The following VWA8 variants were observed in gnomAD, a reference collection of about 807,000 sequenced individuals.
VWA8 encodes the protein von Willebrand factor A domain containing 8.
A neutral mutation model predicts 241.5 loss-of-function variants in VWA8; 221 were observed. The ratio of observed to expected loss-of-function variants is 0.91; its 90% CI spans 0.82 to 1.02. VWA8 has a LOEUF of 1.02. VWA8 is among the 50% of genes least tolerant of loss of function. The pLI is 0.00. For synonymous variants in VWA8, 852 were observed against 827.1 expected (o/e 1.03, Z -0.52); for missense variants, 2,322 against 2,328.7 (o/e 1.00, Z 0.06).
chr13:41,709,198 C>A (rs2045301387), intron 26 of VWA8, among the ~76,000 whole-genome samples: 1 of 152,162 alleles, frequency 6.6e-6, no homozygotes, highest in East Asian at 1.9e-4. Context: ...GGTAGTTTTA[C>A]ATGTTTTCCT....
intron 26 of VWA8, among the ~76,000 whole-genome samples, chr13:41,709,349 T>G (rs1057077717): frequency 6.6e-6 from 1 of 152,232 alleles, no homozygotes; most frequent in South Asian, 2.1e-4. Context: ...AATGTGGGCC[T>G]CATTCTTCAT....
intron 3 of VWA8, 84 bp from the exon 4 acceptor site, chr13:41,907,780 T>C (rs1159197302): frequency 1.7e-6 from 2 of 1,202,402 alleles, no homozygotes; most frequent in Non-Finnish European, 2.4e-6. Context: ...GACAATGCCA[T>C]TGCCCATGAG....
At chr13:41,602,424 G>A (rs1329384101) in intron 40 of VWA8, among the ~76,000 whole-genome samples, 1 of 152,000 alleles carries the variant, frequency 6.6e-6, no homozygotes, top group African/African-American at 2.4e-5. Context: ...CTAATCTTCT[G>A]GTCTCTCATT....
intron 37 of VWA8, among the ~76,000 whole-genome samples, chr13:41,667,039 T>G (rs1007105063): frequency 1.3e-5 from 2 of 152,178 alleles, no homozygotes; most frequent in African/African-American, 4.8e-5. Context: ...GAATGATGTA[T>G]AAGAGTAAAC....
At chr13:41,773,794 T>C (rs1868442014) in intron 20 of VWA8, among the ~76,000 whole-genome samples, 1 of 152,220 alleles carries the variant, frequency 6.6e-6, no homozygotes, top group African/African-American at 2.4e-5. Context: ...AAGTTATGTA[T>C]GATTTAATTA....
intron 17 of VWA8, among the ~76,000 whole-genome samples, chr13:41,806,003 A>AAT (rs1286452591): frequency 1.5e-5 from 2 of 136,546 alleles, no homozygotes; most frequent in East Asian, 2.1e-4. Flanking sequence ...TTCAAAAATA[A>AAT]AAAAAAAAAA....
intron 38 of VWA8, among the ~76,000 whole-genome samples, chr13:41,612,553 AAAT>A: frequency 6.6e-6 from 1 of 152,218 alleles, no homozygotes; most frequent in Non-Finnish European, 1.5e-5. Context: ...TACCTTGTCT[AAAT>A]ACATGAAAAT....
intron 15 of VWA8, among the ~76,000 whole-genome samples, chr13:41,817,083 AC>A (rs1191193236): frequency 1.3e-5 from 2 of 152,182 alleles, no homozygotes; most frequent in African/African-American, 4.8e-5. Flanking sequence ...CCCATAGTGT[AC>A]CCATAAAGAA....
At chr13:41,851,999 C>G (rs1460053025) in intron 12 of VWA8, among the ~76,000 whole-genome samples, 3 of 152,090 alleles carry the variant, frequency 2.0e-5, no homozygotes, top group Non-Finnish European at 4.4e-5. Flanking sequence ...TTTTTGAGGA[C>G]CCTCCATACT....
chr13:41,690,381 TC>T, intron 32 of VWA8, 106 bp from the exon 33 acceptor site: 1 of 911,670 alleles, frequency 1.1e-6, no homozygotes, highest in Non-Finnish European at 1.6e-6. Context: ...TTTTTATAGT[TC>T]CAGTATAATT....
At chr13:41,590,492 C>G in intron 41 of VWA8, 148 bp downstream of exon 41, 1 of 901,624 alleles carries the variant, frequency 1.1e-6, no homozygotes, top group Non-Finnish European at 1.6e-6. Context: ...TTTTCTTCTT[C>G]TTCTTCTTTT....
At chr13:41,844,789 T>C (rs1027468089) in intron 12 of VWA8, among the ~76,000 whole-genome samples, 10 of 134,002 alleles carry the variant, frequency 7.5e-5, no homozygotes, top group Admixed American at 4.5e-4. Flanking sequence ...CTATTTACAA[T>C]AGCTGCCAAA....
chr13:41,660,222 C>T (rs1020364030), intron 37 of VWA8, among the ~76,000 whole-genome samples: 3 of 151,982 alleles, frequency 2.0e-5, no homozygotes, highest in African/African-American at 7.2e-5. Context: ...TTCAAGTGAA[C>T]TTTGTGCCTC....
At chr13:41,893,080 C>T (rs1874921762) in intron 4 of VWA8, among the ~76,000 whole-genome samples, 2 of 152,130 alleles carry the variant, frequency 1.3e-5, no homozygotes, top group Admixed American at 6.5e-5. Context: ...TTAATTTTCC[C>T]TATAGTAATT....
intron 14 of VWA8, among the ~76,000 whole-genome samples, chr13:41,828,198 T>G (rs184017594): frequency 1.1e-3 from 169 of 152,314 alleles, no homozygotes; most frequent in African/African-American, 3.9e-3. Context: ...AGGAAGGAAT[T>G]TAACATTTCC....
intron 12 of VWA8, among the ~76,000 whole-genome samples, chr13:41,839,117 T>C (rs1240958619): frequency 1.3e-5 from 2 of 152,158 alleles, no homozygotes; most frequent in Admixed American, 6.5e-5. Flanking sequence ...CCACCAACAG[T>C]GTTAAAGCAT....
intron 37 of VWA8, among the ~76,000 whole-genome samples, chr13:41,649,564 A>G (rs1252544206): frequency 6.9e-6 from 1 of 144,796 alleles, no homozygotes; most frequent in African/African-American, 2.7e-5. Context: ...ATTAGAGTAG[A>G]TTTTTCCATT....
chr13:41,818,152 G>A lies in VWA8; in HGVS notation c.1869+1066C>T, dbSNP rs191663599. Among the ~76,000 whole-genome samples the A allele has an allele frequency of 2.6e-3, 393 of 151,794 alleles. 2 individuals carry two copies. Among genetic ancestry groups the A allele is most frequent in the African/African-American group, 9.1e-3 (376 of 41,450 alleles). On this transcript the variant is annotated intron_variant, in intron 15 of 44. Transcript: ENST00000379310. ...TAGTTTTTTGTATTTTAATAGAGAC[G>A]AGGTTTCACCATGTTGGCCAGCCTG...
rs146872806 is a variant in VWA8, at chr13:41,812,431, T to C, written c.1948-1091A>G. Among the ~76,000 whole-genome samples, 703 of 152,146 alleles carry C rather than the reference T, an allele frequency of 4.6e-3. 6 individuals carry two copies. The highest frequency in any genetic ancestry group is 0.016 in the South Asian group (76 of 4,816). ...CCTTTGGGAGGGCAAGGCAGGTCAG[T>C]ATGAAATGTCACAGAGGGTGATAAG... On this transcript the variant is annotated intron_variant, in intron 16 of 44. Transcript: ENST00000379310.
Sources: allele counts gnomAD v4.1 joint callset (sites outside exome capture counted in the v4.1 genomes callset), GRCh38; gene constraint gnomAD v4.1.1; transcripts MANE v1.5; gene names NCBI Gene and HGNC (gene_info 2026-07-23, HGNC 2026-07-21).